The following ITPR1 variants were observed in gnomAD, a reference collection of about 807,000 sequenced individuals.
ITPR1 encodes the protein inositol 1,4,5-trisphosphate-gated calcium channel ITPR1.
A neutral mutation model predicts 318.4 loss-of-function variants in ITPR1; 96 were observed. The observed-to-expected ratio is 0.30, with a 90% CI of 0.26 to 0.36. The LOEUF (loss-of-function observed/expected upper bound fraction) is 0.36, where lower values mean the gene tolerates loss of function less well. ITPR1 is among the 10% of genes least tolerant of loss of function. The probability of loss-of-function intolerance (pLI) is 1.00; values close to 1 mark genes in which losing one functional copy is unlikely to be tolerated. For missense variants in ITPR1, 2,440 were observed against 3,460.2 expected (o/e 0.71, Z 7.40); for synonymous variants, 1,312 against 1,289.9 (o/e 1.02, Z -0.37).
chr3:4,590,496 G>A (rs2090307051), intron 4 of ITPR1, among the ~76,000 whole-genome samples: 1 of 149,848 alleles, frequency 6.7e-6, no homozygotes, highest in African/African-American at 2.4e-5. Context: ...CGGTCAGTCT[G>A]GTCTTCTCCA....
At chr3:4,504,712 C>G (rs528720643) in intron 2 of ITPR1, among the ~76,000 whole-genome samples, 218 of 152,198 alleles carry the variant, frequency 1.4e-3, no homozygotes, top group African/African-American at 5.1e-3. Context: ...AAAGGAAGTC[C>G]AAAATTAACC....
chr3:4,635,455 C>T (rs1158290817), intron 5 of ITPR1, among the ~76,000 whole-genome samples: 1 of 152,164 alleles, frequency 6.6e-6, no homozygotes, highest in Non-Finnish European at 1.5e-5. Context: ...TTTCTCCTGC[C>T]TCAGCCTCCC....
At chr3:4,631,406 G>A (rs2093011761) in intron 5 of ITPR1, among the ~76,000 whole-genome samples, 5 of 152,106 alleles carry the variant, frequency 3.3e-5, no homozygotes, top group Admixed American at 3.3e-4. Context: ...GCAAAAATAT[G>A]TATGTTACTA....
chr3:4,768,586 C>A lies in ITPR1; in HGVS notation c.5801C>A (p.Ala1934Asp), dbSNP rs779016534. ...LLEASAATRK[A>D]FTTFRREADP... ...GAGGCCTCCGCTGCCACCAGGAAAG[C>A]CTTCACCACTTTCAGGAGGGAGGCT... The change falls in exon 46 of 62, where the codon GCC (alanine) becomes GAC (aspartate). Residue 1934 changes from alanine (A) to aspartate (D), a missense_variant. By Grantham distance (126) the Ala-to-Asp change is moderately radical (BLOSUM62 -2). This residue lies in a region of ITPR1 where 113 missense variants were observed against 103.6 expected (regional missense o/e 1.09). Coordinates refer to ENST00000649015, the MANE Select transcript of ITPR1 (RefSeq NM_001378452.1). 1.2e-6 allele frequency: 2 copies of A among 1,614,020 alleles called. No homozygotes were observed. Among genetic ancestry groups the A allele is most frequent in the Non-Finnish European group, 1.7e-6 (2 of 1,179,872 alleles).
chr3:4,563,984 C>T (rs2086948887), intron 4 of ITPR1, among the ~76,000 whole-genome samples: 1 of 151,936 alleles, frequency 6.6e-6, no homozygotes, highest in South Asian at 2.1e-4. Context: ...CCGTGTCACC[C>T]AGACTGGAGT....
intron 4 of ITPR1, among the ~76,000 whole-genome samples, chr3:4,608,802 G>A (rs1334590153): frequency 6.6e-6 from 1 of 151,732 alleles, no homozygotes; most frequent in East Asian, 1.9e-4. Flanking sequence ...AGGAGTTTCC[G>A]ACCAGCCTGG....
chr3:4,820,895 G>C (rs2049667461), intron 60 of ITPR1, among the ~76,000 whole-genome samples: 1 of 152,206 alleles, frequency 6.6e-6, no homozygotes, highest in Non-Finnish European at 1.5e-5. Flanking sequence ...TCATTTGGTG[G>C]GGGTGGGGGC....
intron 50 of ITPR1, among the ~76,000 whole-genome samples, chr3:4,783,329 C>T (rs1170371475): frequency 6.6e-6 from 1 of 152,130 alleles, no homozygotes; most frequent in African/African-American, 2.4e-5. Context: ...CCTGCTGGAG[C>T]CTTGTGTTTC....
intron 33 of ITPR1, among the ~76,000 whole-genome samples, chr3:4,694,995 A>G (rs1474625998): frequency 6.6e-6 from 1 of 152,204 alleles, no homozygotes; most frequent in Non-Finnish European, 1.5e-5. Flanking sequence ...GCAGAAGATG[A>G]TACTCTAGGT....
chr3:4,832,241 T>G (rs1575415626), intron 60 of ITPR1, among the ~76,000 whole-genome samples: 1 of 152,258 alleles, frequency 6.6e-6, no homozygotes, highest in Middle Eastern at 3.4e-3. Context: ...CTCTGTGTGG[T>G]GGTGATTGAT....
intron 46 of ITPR1, among the ~76,000 whole-genome samples, chr3:4,769,307 T>C (rs2046033045): frequency 1.3e-5 from 2 of 152,230 alleles, no homozygotes; most frequent in South Asian, 2.1e-4. Flanking sequence ...CCAACATAGG[T>C]GCCTGCCCCA....
chr3:4,631,635 G>A (rs529204929), intron 5 of ITPR1, among the ~76,000 whole-genome samples: 34 of 152,094 alleles, frequency 2.2e-4, no homozygotes, highest in Admixed American at 4.6e-4. Flanking sequence ...GATTATGATC[G>A]TATCTTTTTC....
At chr3:4,574,590 A>G (rs1393461769) in intron 4 of ITPR1, among the ~76,000 whole-genome samples, 1 of 152,220 alleles carries the variant, frequency 6.6e-6, no homozygotes, top group Non-Finnish European at 1.5e-5. Context: ...GATTAGAATC[A>G]TGTATAACGG....
At chr3:4,682,811 C>G (rs969606846) in intron 26 of ITPR1, among the ~76,000 whole-genome samples, 2 of 152,154 alleles carry the variant, frequency 1.3e-5, no homozygotes, top group Non-Finnish European at 2.9e-5. Context: ...TGACTCTAAA[C>G]CCAATATAGG....
At chr3:4,621,389 A>G (rs750660873) in intron 4 of ITPR1, among the ~76,000 whole-genome samples, 4 of 152,186 alleles carry the variant, frequency 2.6e-5, no homozygotes, top group Non-Finnish European at 1.5e-5. Flanking sequence ...CTCACTCAGT[A>G]TCATGAGCAC....
chr3:4,704,134 C>T (rs1264057968), intron 36 of ITPR1, among the ~76,000 whole-genome samples: 2 of 152,130 alleles, frequency 1.3e-5, no homozygotes, highest in Admixed American at 6.5e-5. Flanking sequence ...TGTTGGAGGC[C>T]GGGCGCAGTG....
intron 58 of ITPR1, 65 bp downstream of exon 58, chr3:4,814,627 T>C (rs568545464): frequency 1.4e-6 from 2 of 1,405,560 alleles, no homozygotes; most frequent in East Asian, 4.7e-5. Context: ...GGGAGCACCA[T>C]GCAGCGGTGT....
chr3:4,711,736 C>T lies in ITPR1; in HGVS notation c.4992-21C>T, dbSNP rs78376371. 5.3e-3 allele frequency: 6,796 copies of T among 1,294,470 alleles called. 192 individuals are homozygous for T. The African/African-American group carries it at 0.072, about 14-fold the overall frequency. The allele number at this position is 1,294,470 out of a possible 1,614,324, so 80.2% of individuals were successfully genotyped here. A position where few individuals can be genotyped will look rare whatever the true frequency, so the allele number is the denominator to read the frequency against. On this transcript the variant is annotated intron_variant, in intron 38 of 61. Transcript: ENST00000649015. ...TAAAATTAGCTTCAAGGAAGTAATCCGTGGTTTTCCCCCCATTCAGGTTAA... is the reference window on the plus strand; with the variant it reads ...TAAAATTAGCTTCAAGGAAGTAATCTGTGGTTTTCCCCCCATTCAGGTTAA...
At chr3:4,501,621 C>G (rs564830458) in intron 2 of ITPR1, among the ~76,000 whole-genome samples, 169 of 152,320 alleles carry the variant, frequency 1.1e-3, no homozygotes, top group African/African-American at 3.9e-3. Context: ...TGAAGCTGAC[C>G]TTTGTACTTT....
Sources: gnomAD v4.1 joint callset for allele counts (sites outside exome capture counted in the v4.1 genomes callset) on GRCh38, gnomAD v4.1.1 for gene constraint, gnomAD v4.1.1 regional missense constraint, MANE v1.5 for transcripts, NCBI Gene and HGNC (gene_info 2026-07-23, HGNC 2026-07-21) for gene names.